The following CNTNAP4 variants were observed in gnomAD, a reference collection of about 807,000 sequenced individuals.
CNTNAP4 encodes contactin-associated protein-like 4.
CNTNAP4 carries 98 observed loss-of-function variants against 148.4 expected under a neutral mutation model. The observed-to-expected ratio is 0.66, with a 90% CI of 0.56 to 0.78. CNTNAP4 has a LOEUF of 0.78. Among genes scored for constraint, CNTNAP4 ranks in the 30% least tolerant of loss-of-function variants. The probability of loss-of-function intolerance (pLI) is 0.00; values close to 1 mark genes in which losing one functional copy is unlikely to be tolerated. For synonymous variants in CNTNAP4, 730 were observed against 565.1 expected, an observed-to-expected ratio of 1.29 and a Z score of -4.14; for missense variants, 1,935 against 1,565.6, an observed-to-expected ratio of 1.24 and a Z score of -3.98.
chr16:76,294,678 A>G (rs551364042), intron 1 of CNTNAP4, among the ~76,000 whole-genome samples: 7 of 152,334 alleles, frequency 4.6e-5, no homozygotes, highest in African/African-American at 1.7e-4. Context: ...AGTCTATTAA[A>G]GTGTTCCAAA....
intron 13 of CNTNAP4, among the ~76,000 whole-genome samples, chr16:76,491,000 G>A (rs1212657754): frequency 1.3e-5 from 2 of 151,924 alleles, no homozygotes; most frequent in African/African-American, 4.9e-5. Context: ...ATGTCATAAA[G>A]ATCATGCAAA....
intron 15 of CNTNAP4, among the ~76,000 whole-genome samples, chr16:76,510,955 G>C (rs978337403): frequency 1.3e-5 from 2 of 151,916 alleles, no homozygotes; most frequent in African/African-American, 4.8e-5. Context: ...AATACTCGAA[G>C]GAACAATTAT....
chr16:76,458,499 A>G (rs1441814349), intron 8 of CNTNAP4, among the ~76,000 whole-genome samples: 1 of 152,008 alleles, frequency 6.6e-6, no homozygotes, highest in Non-Finnish European at 1.5e-5. Context: ...CTGCAACTAG[A>G]TTGACCCATC....
chr16:76,322,684 T>G (rs1962548921), intron 2 of CNTNAP4, among the ~76,000 whole-genome samples: 1 of 152,170 alleles, frequency 6.6e-6, no homozygotes, highest in African/African-American at 2.4e-5. Context: ...GCTGTACACA[T>G]TTTAACCAGT....
At chr16:76,423,260 G>T (rs1381728560) in intron 3 of CNTNAP4, among the ~76,000 whole-genome samples, 1 of 151,982 alleles carries the variant, frequency 6.6e-6, no homozygotes, top group Non-Finnish European at 1.5e-5. Context: ...ATAATATAGG[G>T]AACATAAAAG....
At chr16:76,301,361 A>C (rs746081162) in intron 1 of CNTNAP4, among the ~76,000 whole-genome samples, 4 of 152,192 alleles carry the variant, frequency 2.6e-5, no homozygotes, top group Non-Finnish European at 4.4e-5. Flanking sequence ...TTTTTTTAAA[A>C]ACTGTGTTTG....
intron 3 of CNTNAP4, among the ~76,000 whole-genome samples, chr16:76,357,828 T>C (rs2012886311): frequency 6.6e-6 from 1 of 152,250 alleles, no homozygotes; most frequent in Admixed American, 6.5e-5. Context: ...TGGCACATTT[T>C]TCTTTTCCCT....
intron 3 of CNTNAP4, among the ~76,000 whole-genome samples, chr16:76,389,662 A>G (rs1395625168): frequency 6.6e-6 from 1 of 151,674 alleles, no homozygotes; most frequent in Admixed American, 6.6e-5. Context: ...GGGTTTCGCC[A>G]TGTTGTCCAG....
chr16:76,341,994 G>A (rs1328772295), intron 2 of CNTNAP4, among the ~76,000 whole-genome samples: 1 of 152,166 alleles, frequency 6.6e-6, no homozygotes, highest in Non-Finnish European at 1.5e-5. Flanking sequence ...TGTTTTTGCT[G>A]ATGAGTTTTC....
intron 3 of CNTNAP4, among the ~76,000 whole-genome samples, chr16:76,372,665 TGCCATGATTGTGAG>T (rs139064169): frequency 0.031 from 4,686 of 152,250 alleles, 207 homozygotes; most frequent in African/African-American, 0.1. Flanking sequence ...ACATGCCTTC[TGCCATGATTGTGAG>T]GCCTCCCCAG....
chr16:76,449,434 T>C (rs1460439045), intron 6 of CNTNAP4, among the ~76,000 whole-genome samples: 1 of 152,188 alleles, frequency 6.6e-6, no homozygotes, highest in Non-Finnish European at 1.5e-5. Context: ...GGTTATAGTA[T>C]TAAACAGATC....
rs144332818 is a variant in CNTNAP4, at chr16:76,494,598, A to G, written c.2081-312A>G. Among the ~76,000 whole-genome samples, 665 of 152,288 alleles carry G rather than the reference A, an allele frequency of 4.4e-3. 7 individuals are homozygous for G. The highest frequency in any genetic ancestry group is 0.015 in the African/African-American group (637 of 41,558). Reference sequence around the variant, plus strand: ...ACTTGTTTCAAAATTATTTTTAAAGAAATTGCATATGTGAGCTGCTCTCAA... The same window carrying G: ...ACTTGTTTCAAAATTATTTTTAAAGGAATTGCATATGTGAGCTGCTCTCAA... On this transcript the variant is annotated intron_variant, in intron 13 of 23. Transcript: ENST00000611870.
chr16:76,412,566 A>G (rs774073896), intron 3 of CNTNAP4, among the ~76,000 whole-genome samples: 10 of 151,358 alleles, frequency 6.6e-5, no homozygotes, highest in Non-Finnish European at 1.0e-4. Context: ...ATTTTTAGCC[A>G]TTCTAGTTGG....
intron 4 of CNTNAP4, among the ~76,000 whole-genome samples, chr16:76,442,874 A>G (rs1469555967): frequency 1.3e-5 from 2 of 152,282 alleles, no homozygotes; most frequent in Admixed American, 6.5e-5. Context: ...GGCAGAAAAT[A>G]ATATACTTGC....
chr16:76,278,612 C>G (rs1958572293), intron 1 of CNTNAP4, among the ~76,000 whole-genome samples: 1 of 152,160 alleles, frequency 6.6e-6, no homozygotes, highest in Non-Finnish European at 1.5e-5. Flanking sequence ...GGAGAATTTT[C>G]CCCTCCTGAT....
At chr16:76,319,303 A>T (rs915631022) in intron 2 of CNTNAP4, among the ~76,000 whole-genome samples, 9 of 152,022 alleles carry the variant, frequency 5.9e-5, no homozygotes, top group Non-Finnish European at 1.3e-4. Flanking sequence ...GAGGCATGAG[A>T]ATCGTTTGAA....
At chr16:76,508,959 G>A (rs58991864) in intron 15 of CNTNAP4, among the ~76,000 whole-genome samples, 3,561 of 95,054 alleles carry the variant, frequency 0.037, 649 homozygotes, top group African/African-American at 0.082. Context: ...CACCATGTTA[G>A]CCAGGATGGT....
intron 1 of CNTNAP4, among the ~76,000 whole-genome samples, chr16:76,308,157 A>G (rs567986887): frequency 6.6e-6 from 1 of 152,302 alleles, no homozygotes; most frequent in East Asian, 1.9e-4. Context: ...TGACTGACAG[A>G]ATTAGAAGCT....
intron 10 of CNTNAP4, among the ~76,000 whole-genome samples, chr16:76,468,739 A>G (rs555389854): frequency 2.0e-5 from 3 of 152,180 alleles, no homozygotes; most frequent in East Asian, 2.0e-4. Context: ...AATTACAGGC[A>G]TGAGTCACTG....
Sources: allele counts gnomAD v4.1 joint callset (sites outside exome capture counted in the v4.1 genomes callset), GRCh38; gene constraint gnomAD v4.1.1; transcripts MANE v1.5; gene names NCBI Gene and HGNC (gene_info 2026-07-23, HGNC 2026-07-21).